NCKAP5: variants seen among roughly 807,000 people sequenced by gnomAD.
The protein encoded by NCKAP5 is NCK associated protein 5, also known as nck-associated protein 5.
In NCKAP5, 92 loss-of-function variants were observed where a neutral mutation model predicts 167.0. The observed-to-expected ratio is 0.55, with a 90% confidence interval of 0.47 to 0.66. The LOEUF (loss-of-function observed/expected upper bound fraction) is 0.66. NCKAP5 is among the 30% of genes least tolerant of loss of function. NCKAP5 has a pLI of 0.00. For missense variants in NCKAP5, 2,378 were observed against 2,315.0 expected (o/e 1.03, Z -0.56); for synonymous variants, 891 against 877.4 (o/e 1.02, Z -0.27).
rs372572199 is a variant in NCKAP5, at chr2:133,356,171, A to G, written c.70-53061T>C. Among the ~76,000 whole-genome samples the G allele has an allele frequency of 7.2e-5, 11 of 152,108 alleles. No homozygotes were observed. In the East Asian group the frequency reaches 1.5e-3, roughly 21 times the overall value. On this transcript the variant is annotated intron_variant, in intron 3 of 19. Transcript: ENST00000409261. Reference sequence around the variant, plus strand: ...AGAGCTCCTGGACTCAAGCAATCCAACCATCTCAGCCTCCCAAAGTGCTGG... The same window carrying G: ...AGAGCTCCTGGACTCAAGCAATCCAGCCATCTCAGCCTCCCAAAGTGCTGG...
intron 5 of NCKAP5, among the ~76,000 whole-genome samples, chr2:133,147,192 C>T (rs2083228667): frequency 6.6e-6 from 1 of 152,172 alleles, no homozygotes; most frequent in African/African-American, 2.4e-5. Context: ...GAGTGTTGAA[C>T]TAATCACATC....
chr2:133,257,059 A>G (rs535486068), intron 4 of NCKAP5, among the ~76,000 whole-genome samples: 1 of 152,352 alleles, frequency 6.6e-6, no homozygotes, highest in East Asian at 1.9e-4. Context: ...TAGACAGCCA[A>G]AAAAGAATTC....
At chr2:132,751,466 C>A (rs1032700999) in intron 16 of NCKAP5, among the ~76,000 whole-genome samples, 1 of 152,178 alleles carries the variant, frequency 6.6e-6, no homozygotes, top group Non-Finnish European at 1.5e-5. Context: ...ATATCCATCA[C>A]AAATGGACTG....
At chr2:133,555,424 A>T (rs556188903) in intron 2 of NCKAP5, among the ~76,000 whole-genome samples, 2 of 152,322 alleles carry the variant, frequency 1.3e-5, no homozygotes, top group African/African-American at 4.8e-5. Flanking sequence ...TATATTGCAT[A>T]TACAAGGCTT....
intron 6 of NCKAP5, among the ~76,000 whole-genome samples, chr2:133,048,823 C>T (rs1045950167): frequency 3.9e-5 from 6 of 152,168 alleles, no homozygotes; most frequent in Non-Finnish European, 8.8e-5. Context: ...TTTGGCTTGT[C>T]CCTATAGCTT....
At chr2:132,943,943 A>G (rs747607779) in intron 8 of NCKAP5, among the ~76,000 whole-genome samples, 2 of 152,118 alleles carry the variant, frequency 1.3e-5, no homozygotes, top group East Asian at 1.9e-4. Flanking sequence ...CTGCTTTAAG[A>G]GTTGTGCAGC....
At chr2:133,126,308 C>A (rs1393213046) in intron 6 of NCKAP5, among the ~76,000 whole-genome samples, 1 of 152,230 alleles carries the variant, frequency 6.6e-6, no homozygotes, top group Non-Finnish European at 1.5e-5. Context: ...CAATAAAACA[C>A]ATCACCCAGC....
chr2:132,871,313 T>TAAACA (rs72132416), intron 9 of NCKAP5, among the ~76,000 whole-genome samples: 151 of 151,878 alleles, frequency 9.9e-4, no homozygotes, highest in Admixed American at 2.1e-3. Context: ...TGTTGGCAAA[T>TAAACA]AAACAAAACA....
intron 5 of NCKAP5, among the ~76,000 whole-genome samples, chr2:133,210,954 C>T (rs1033256605): frequency 6.6e-6 from 1 of 152,054 alleles, no homozygotes; most frequent in African/African-American, 2.4e-5. Flanking sequence ...AGTCAGGGAT[C>T]CGTTGAGACC....
intron 3 of NCKAP5, among the ~76,000 whole-genome samples, chr2:133,503,216 C>T (rs1198375173): frequency 2.0e-5 from 3 of 152,200 alleles, no homozygotes; most frequent in Admixed American, 2.0e-4. Context: ...CTCAGTCATT[C>T]ATGGAACACC....
chr2:133,334,538 G>A (rs748392446), intron 3 of NCKAP5, among the ~76,000 whole-genome samples: 13 of 152,152 alleles, frequency 8.5e-5, no homozygotes, highest in Non-Finnish European at 7.3e-5. Flanking sequence ...GCAAAGTGGA[G>A]ATTCAAGACC....
chr2:132,938,058 T>C (rs1379180044), intron 8 of NCKAP5, among the ~76,000 whole-genome samples: 1 of 152,240 alleles, frequency 6.6e-6, no homozygotes. Flanking sequence ...AGCTCCCTTT[T>C]CAATAAATAA....
intron 3 of NCKAP5, among the ~76,000 whole-genome samples, chr2:133,421,306 T>C (rs1689461775): frequency 6.6e-6 from 1 of 152,220 alleles, no homozygotes; most frequent in African/African-American, 2.4e-5. Context: ...TGAACATGTT[T>C]ACGCCTCCTA....
At chr2:133,633,259 T>C in the NCKAP5 span, among the ~76,000 whole-genome samples, 1 of 152,154 alleles carries the variant, frequency 6.6e-6, no homozygotes, top group Non-Finnish European at 1.5e-5. Context: ...CACAACTGCT[T>C]CCCGAACAAA....
chr2:133,313,908 G>A (rs1465683957), intron 3 of NCKAP5, among the ~76,000 whole-genome samples: 1 of 152,160 alleles, frequency 6.6e-6, no homozygotes, highest in Non-Finnish European at 1.5e-5. Context: ...GCCATGGAAA[G>A]TTCAAAGACT....
intron 16 of NCKAP5, among the ~76,000 whole-genome samples, chr2:132,764,589 T>C (rs530713399): frequency 1.8e-4 from 27 of 152,302 alleles, no homozygotes; most frequent in African/African-American, 5.8e-4. Flanking sequence ...ATCTGAACCA[T>C]ACAAAATCAC....
chr2:132,910,080 C>T (rs1252372295), intron 8 of NCKAP5, among the ~76,000 whole-genome samples: 2 of 151,996 alleles, frequency 1.3e-5, no homozygotes, highest in African/African-American at 2.4e-5. Flanking sequence ...TTTTCTGATA[C>T]CAGCAACCAT....
rs530854933 is a variant in NCKAP5, at chr2:133,042,543, T to C, written c.342-48304A>G. Among the ~76,000 whole-genome samples, 25 of 152,334 alleles carry C rather than the reference T, an allele frequency of 1.6e-4. No homozygotes were observed. In the South Asian group the frequency reaches 5.0e-3, roughly 30 times the overall value. On this transcript the variant is annotated intron_variant, in intron 6 of 19. Transcript: ENST00000409261. ...ATTTAAAATATCTATGATAGGTAAT[T>C]GTATCTGACAAACTTAAACCTCTTT...
chr2:133,031,241 C>T (rs2078869175), intron 6 of NCKAP5, among the ~76,000 whole-genome samples: 1 of 152,194 alleles, frequency 6.6e-6, no homozygotes, highest in Admixed American at 6.5e-5. Flanking sequence ...CCATCCCTCC[C>T]CTACCCCCAG....
Sources: gnomAD v4.1 joint callset for allele counts (sites outside exome capture counted in the v4.1 genomes callset) on GRCh38, gnomAD v4.1.1 for gene constraint, MANE v1.5 for transcripts, NCBI Gene and HGNC (gene_info 2026-07-23, HGNC 2026-07-21) for gene names.